The following LARS2 variants were observed in gnomAD, a reference collection of about 807,000 sequenced individuals.
LARS2 encodes leucyl-tRNA synthetase 2, mitochondrial.
Under a neutral mutation model 116.6 loss-of-function variants are expected in LARS2, and 81 were observed. That is an observed-to-expected ratio of 0.69 (90% CI 0.58 to 0.84). The LOEUF is 0.84. Ranked by LOEUF, LARS2 falls within the 40% of genes least tolerant of loss-of-function variation. The pLI is 0.00. For missense variants in LARS2, 968 were observed against 1,114.5 expected, an observed-to-expected ratio of 0.87 and a Z score of 1.87; for synonymous variants, 396 against 407.2, an observed-to-expected ratio of 0.97 and a Z score of 0.33.
At chr3:45,414,893 C>T (rs897545675) in intron 4 of LARS2, among the ~76,000 whole-genome samples, 5 of 152,268 alleles carry the variant, frequency 3.3e-5, no homozygotes, top group South Asian at 4.2e-4. Context: ...AAAGAAGTGG[C>T]GTCTGTGGTT....
In LARS2 at chr3:45,473,964, A is replaced by G. The variant is rs184149498; in HGVS notation, c.751-279A>G. 2.6e-3 allele frequency among the ~76,000 whole-genome samples: 400 copies of G among 152,250 alleles called. 4 individuals carry two copies. Among genetic ancestry groups the G allele is most frequent in the African/African-American group, 9.3e-3 (388 of 41,532 alleles). On this transcript the variant is annotated intron_variant, in intron 8 of 21. Coordinates refer to ENST00000645846, the MANE Select transcript of LARS2 (RefSeq NM_015340.4). ...ACTAGACACACTTGCCAAAGATGTG[A>G]ATTATGACCTTTGTTTGTTAATTTT... is the stretch of plus-strand genomic sequence containing the variant.
intron 13 of LARS2, 57 bp downstream of exon 13, chr3:45,491,857 G>A: frequency 2.0e-6 from 3 of 1,503,550 alleles, no homozygotes; most frequent in Non-Finnish European, 1.8e-6. Context: ...ACCTGCTAGG[G>A]CTTCAGACAG....
At chr3:45,460,355 A>G (rs1368916096) in intron 8 of LARS2, among the ~76,000 whole-genome samples, 1 of 152,240 alleles carries the variant, frequency 6.6e-6, no homozygotes, top group Non-Finnish European at 1.5e-5. Flanking sequence ...GGGGTCCACT[A>G]CATTACTGGG....
intron 20 of LARS2, chr3:45,541,502 GC>G (rs957171863): frequency 2.0e-5 from 6 of 303,182 alleles, no homozygotes; most frequent in African/African-American, 1.3e-4. Context: ...TCTCAGGGTA[GC>G]ACAAAGGCAT....
intron 7 of LARS2, 86 bp from the exon 8 acceptor site, chr3:45,458,657 A>C: frequency 4.7e-5 from 63 of 1,330,132 alleles, no homozygotes; most frequent in Non-Finnish European, 6.0e-5. Flanking sequence ...ACTGCACTCT[A>C]GCCCGGGCGA....
At chr3:45,520,834 A>T (rs993070592) in intron 19 of LARS2, among the ~76,000 whole-genome samples, 1 of 152,154 alleles carries the variant, frequency 6.6e-6, no homozygotes, top group African/African-American at 2.4e-5. Flanking sequence ...TGGACAACAA[A>T]AGCATTCATT....
At chr3:45,485,037 C>G (rs142152384) in intron 10 of LARS2, among the ~76,000 whole-genome samples, 1 of 152,236 alleles carries the variant, frequency 6.6e-6, no homozygotes, top group East Asian at 1.9e-4. Context: ...CCTGGTCATT[C>G]TCCAGGCCTC....
At chr3:45,436,983 G>T (rs1575253795) in intron 6 of LARS2, among the ~76,000 whole-genome samples, 2 of 152,252 alleles carry the variant, frequency 1.3e-5, no homozygotes, top group East Asian at 3.9e-4. Context: ...CCATAAAAAT[G>T]ATAGTGCTCA....
chr3:45,436,442 C>T lies in LARS2; in HGVS notation c.517-10449C>T, dbSNP rs1441220768. 3.9e-5 allele frequency among the ~76,000 whole-genome samples: 6 copies of T among 151,922 alleles called. No individual in the cohort carries two copies. The South Asian group carries it at 1.0e-3, about 26-fold the overall frequency. On this transcript the variant is annotated intron_variant, in intron 6 of 21. Transcript: ENST00000645846. ...GACTAATAACAAATTGCAACTCAAA[C>T]CAATTAATCTCATCTGTAGTTTAAT... is the stretch of plus-strand genomic sequence containing the variant.
rs2125718395 is a variant in LARS2, at chr3:45,474,311, T to C, written c.819T>C (p.Ile273=). 1.9e-6 allele frequency: 3 copies of C among 1,611,574 alleles called. No individual in the cohort carries two copies. Among genetic ancestry groups the C allele is most frequent in the Non-Finnish European group, 2.5e-6 (3 of 1,178,068 alleles). Reference sequence around the variant, plus strand: ...TAAAAGGCATGCAAGCCCACTGGATTGGGGACTGTGTGGGCTGCCACCTGG... The same window carrying C: ...TAAAAGGCATGCAAGCCCACTGGATCGGGGACTGTGTGGGCTGCCACCTGG... The part of the protein sequence containing the change: ...YGIKGMQAHW[I]GDCVGCHLDF... Residue 273 remains isoleucine, a synonymous_variant, in exon 9 of 22, where the codon ATT becomes ATC. Coordinates refer to ENST00000645846, the MANE Select transcript of LARS2 (RefSeq NM_015340.4).
intron 3 of LARS2, among the ~76,000 whole-genome samples, chr3:45,396,050 G>A (rs769935697): frequency 1.3e-5 from 2 of 151,986 alleles, no homozygotes; most frequent in African/African-American, 2.4e-5. Flanking sequence ...TTTCCCTTTT[G>A]GTTTAGATAA....
Position 45,518,946 on chromosome 3 carries a change from C to CA in LARS2, c.2214+874_2214+875insA, listed in dbSNP as rs1319019827. Among the ~76,000 whole-genome samples, 10 of 152,272 alleles carry CA rather than the reference C, an allele frequency of 6.6e-5. No individual in the cohort carries two copies. The East Asian group carries it at 1.7e-3, about 26-fold the overall frequency. ...TCTCTATGTGGAGGAACAGAGCTCCCTGAATGAATGTAGGGGTCTGAGTGA... is the reference window on the plus strand; with the variant it reads ...TCTCTATGTGGAGGAACAGAGCTCCCATGAATGAATGTAGGGGTCTGAGTGA... On this transcript the variant is annotated intron_variant, in intron 18 of 21. Transcript: ENST00000645846.
intron 6 of LARS2, among the ~76,000 whole-genome samples, chr3:45,437,739 G>A (rs1318709048): frequency 6.6e-6 from 1 of 152,138 alleles, no homozygotes; most frequent in African/African-American, 2.4e-5. Flanking sequence ...AAGTTACTTT[G>A]CATCTTAATT....
rs182397355 is a variant in LARS2 at position 45,491,917 on chromosome 3, G to A, written c.1523+117G>A. The A allele has an allele frequency of 7.5e-5, 76 of 1,008,028 alleles. 3 individuals are homozygous for A. The Admixed American group carries it at 1.6e-3, about 21-fold the overall frequency. 62.4% of individuals were successfully genotyped at this position (1,008,028 alleles called of 1,614,324 possible). ...TGCTCCCTTTTTCCCTGACTTCCAT[G>A]AGGCTGGAAAGAACACTGTGGGTCT... On this transcript the variant is annotated intron_variant, in intron 13 of 21. Transcript: ENST00000645846.
intron 10 of LARS2, among the ~76,000 whole-genome samples, chr3:45,485,320 A>G (rs12639021): frequency 0.27 from 41,092 of 151,992 alleles, 5,861 homozygotes; most frequent in Middle Eastern, 0.4. Context: ...AAGTGTTATG[A>G]TGGTTTGGAA....
At chr3:45,521,335 C>A (rs980645528) in intron 19 of LARS2, among the ~76,000 whole-genome samples, 1 of 152,076 alleles carries the variant, frequency 6.6e-6, no homozygotes, top group Non-Finnish European at 1.5e-5. Context: ...AAATAATTAG[C>A]CTGGCATGGT....
intron 7 of LARS2, among the ~76,000 whole-genome samples, chr3:45,455,498 G>A (rs1256716616): frequency 1.3e-5 from 2 of 152,040 alleles, no homozygotes; most frequent in Non-Finnish European, 2.9e-5. Flanking sequence ...CTTTCTACCT[G>A]TTATTTTAAG....
chr3:45,516,600 A>T (rs1456162153), intron 17 of LARS2, among the ~76,000 whole-genome samples: 1 of 152,168 alleles, frequency 6.6e-6, no homozygotes, highest in Non-Finnish European at 1.5e-5. Flanking sequence ...TGCACACTCT[A>T]CGAGGACCAT....
chr3:45,413,438 G>GAAC (rs1698366490), intron 4 of LARS2, among the ~76,000 whole-genome samples: 1 of 152,234 alleles, frequency 6.6e-6, no homozygotes, highest in Non-Finnish European at 1.5e-5. Context: ...CAGACATCAT[G>GAAC]AACATGTCAT....
Sources: gnomAD v4.1 joint callset for allele counts (sites outside exome capture counted in the v4.1 genomes callset) on GRCh38, gnomAD v4.1.1 for gene constraint, MANE v1.5 for transcripts, NCBI Gene and HGNC (gene_info 2026-07-23, HGNC 2026-07-21) for gene names.